AGBL4: variants seen among roughly 807,000 people sequenced by gnomAD.
AGBL4 encodes the protein AGBL carboxypeptidase 4.
In AGBL4, 58 loss-of-function variants were observed where a neutral mutation model predicts 66.4. The ratio of observed to expected loss-of-function variants is 0.87; its 90% confidence interval spans 0.71 to 1.09. AGBL4 has a LOEUF of 1.09. AGBL4 is among the 50% of genes least tolerant of loss of function. AGBL4 has a pLI of 0.00. For synonymous variants in AGBL4, 234 were observed against 222.9 expected, an observed-to-expected ratio of 1.05 and a Z score of -0.44; for missense variants, 579 against 631.0, an observed-to-expected ratio of 0.92 and a Z score of 0.88.
At chr1:49,060,590 G>A (rs115590275) in intron 4 of AGBL4, among the ~76,000 whole-genome samples, 56 of 152,284 alleles carry the variant, frequency 3.7e-4, no homozygotes, top group African/African-American at 1.3e-3. Context: ...TGGGGGAGTG[G>A]TGCTGGTTTT....
intron 3 of AGBL4, among the ~76,000 whole-genome samples, chr1:49,622,787 G>A (rs546467114): frequency 1.3e-5 from 2 of 151,988 alleles, no homozygotes; most frequent in South Asian, 4.1e-4. Flanking sequence ...CATCATCTTT[G>A]TTATGATTAT....
intron 4 of AGBL4, among the ~76,000 whole-genome samples, chr1:49,186,331 G>T (rs756541336): frequency 6.6e-6 from 1 of 151,980 alleles, no homozygotes; most frequent in Non-Finnish European, 1.5e-5. Flanking sequence ...TCCAACAATG[G>T]GAAAATAAAG....
At chr1:48,991,414 C>G (rs1036505537) in intron 5 of AGBL4, among the ~76,000 whole-genome samples, 1 of 151,922 alleles carries the variant, frequency 6.6e-6, no homozygotes, top group East Asian at 1.9e-4. Flanking sequence ...TCCCTTTATT[C>G]TTGACTTTTG....
intron 6 of AGBL4, among the ~76,000 whole-genome samples, chr1:48,767,665 A>G (rs1644596465): frequency 1.3e-5 from 2 of 152,218 alleles, no homozygotes; most frequent in African/African-American, 4.8e-5. Context: ...AGAAGAAACT[A>G]GGAAGGATGA....
chr1:49,503,975 G>C (rs1648442364), intron 3 of AGBL4, among the ~76,000 whole-genome samples: 1 of 152,098 alleles, frequency 6.6e-6, no homozygotes, highest in Admixed American at 6.5e-5. Context: ...GATTTGGGAA[G>C]GGCTGGGACA....
chr1:49,729,373 G>C (rs1649259039), intron 2 of AGBL4, among the ~76,000 whole-genome samples: 1 of 152,040 alleles, frequency 6.6e-6, no homozygotes, highest in Admixed American at 6.6e-5. Flanking sequence ...CACCATTTGA[G>C]CCTCAAGTCC....
rs5774037 is a variant in AGBL4, at chr1:49,052,079, A to AT, written c.378-6280dup. ...TTCAGAGTTTATATTATATGTAGGG[A>AT]TTTTTTTTTTTTTTTTTGGTCTGTG... is the stretch of plus-strand genomic sequence containing the variant. On this transcript the variant is annotated intron_variant, in intron 4 of 13. Coordinates refer to ENST00000371839, the MANE Select transcript of AGBL4 (RefSeq NM_032785.4). Among the ~76,000 whole-genome samples the AT allele has an allele frequency of 1.7e-3, 232 of 139,074 alleles. 2 individuals carry two copies. Among genetic ancestry groups the AT allele is most frequent in the African/African-American group, 5.8e-3 (222 of 38,072 alleles). The allele number at this position is 139,074 out of a possible 152,430, so 91.2% of individuals were successfully genotyped here. A position where few individuals can be genotyped will look rare whatever the true frequency, so the allele number is the denominator to read the frequency against.
At chr1:48,716,857 C>T (rs1235811307) in intron 6 of AGBL4, among the ~76,000 whole-genome samples, 3 of 152,176 alleles carry the variant, frequency 2.0e-5, no homozygotes, top group Non-Finnish European at 2.9e-5. Flanking sequence ...TTGGAACTGT[C>T]CCTGCCTTCA....
At chr1:48,723,483 T>A (rs766807988) in intron 6 of AGBL4, among the ~76,000 whole-genome samples, 1 of 152,194 alleles carries the variant, frequency 6.6e-6, no homozygotes, top group Non-Finnish European at 1.5e-5. Flanking sequence ...AAGGGATCAA[T>A]CTCTTCAAAA....
At chr1:48,529,388 T>C (rs1373929543), downstream of AGBL4, among the ~76,000 whole-genome samples, 1 of 152,098 alleles carries the variant, frequency 6.6e-6, no homozygotes, top group African/African-American at 2.4e-5. Flanking sequence ...TTTATAGATG[T>C]TATTATATTC....
At chr1:48,945,087 A>G (rs1656386627) in intron 5 of AGBL4, among the ~76,000 whole-genome samples, 1 of 152,102 alleles carries the variant, frequency 6.6e-6, no homozygotes, top group Non-Finnish European at 1.5e-5. Context: ...GGCACTGGAG[A>G]TGTCCTGTGG....
chr1:48,885,247 A>C (rs1227748067), intron 5 of AGBL4, among the ~76,000 whole-genome samples: 3 of 152,248 alleles, frequency 2.0e-5, no homozygotes, highest in Non-Finnish European at 4.4e-5. Flanking sequence ...TTCCAACTGC[A>C]ATGTCCATAA....
intron 11 of AGBL4, among the ~76,000 whole-genome samples, chr1:48,554,474 C>A (rs543696897): frequency 2.6e-5 from 4 of 152,166 alleles, no homozygotes; most frequent in Non-Finnish European, 5.9e-5. Flanking sequence ...CATTTCCTTG[C>A]ATTTATTCCT....
intron 6 of AGBL4, among the ~76,000 whole-genome samples, chr1:48,735,515 AAAGG>A (rs147008867): frequency 0.01 from 1,577 of 151,446 alleles, 30 homozygotes; most frequent in African/African-American, 0.034. Flanking sequence ...AGGAGGGAAG[AAAGG>A]AAGGAAGTAA....
chr1:49,291,205 A>T (rs534786231), intron 3 of AGBL4, among the ~76,000 whole-genome samples: 1 of 152,296 alleles, frequency 6.6e-6, no homozygotes, highest in South Asian at 2.1e-4. Context: ...CCTTCTCTCA[A>T]GGTATTTTAG....
chr1:49,854,771 T>C (rs1253987828), intron 1 of AGBL4, among the ~76,000 whole-genome samples: 4 of 151,944 alleles, frequency 2.6e-5, no homozygotes, highest in Admixed American at 2.6e-4. Context: ...ATAGACAGTA[T>C]AGCACACCAG....
In AGBL4 at chr1:50,023,746, C is replaced by G. The variant is rs1329887859; in HGVS notation, c.34+17G>C. 1.3e-6 allele frequency: 2 copies of G among 1,547,574 alleles called. No individual in the cohort carries two copies. The highest frequency in any genetic ancestry group is 1.7e-6 in the Non-Finnish European group (2 of 1,145,212). ...CTGGCCGCCTCAGCCTTCCCCAGAT[C>G]GGCCGCCCCCACAGACCTGCCTCAG... On this transcript the variant is annotated intron_variant, in intron 1 of 13. Coordinates refer to ENST00000371839, the MANE Select transcript of AGBL4 (RefSeq NM_032785.4).
chr1:49,169,536 A>G (rs1452865966), intron 4 of AGBL4, among the ~76,000 whole-genome samples: 2 of 152,330 alleles, frequency 1.3e-5, no homozygotes, highest in Admixed American at 1.3e-4. Context: ...TAAACAATTC[A>G]GTGACATTTA....
At chr1:49,191,753 GC>G (rs761998852) in intron 4 of AGBL4, among the ~76,000 whole-genome samples, 1 of 152,096 alleles carries the variant, frequency 6.6e-6, no homozygotes, top group Non-Finnish European at 1.5e-5. Context: ...TAGGAAAACG[GC>G]CCCCAGCTGC....
Sources: gnomAD v4.1 joint callset for allele counts (sites outside exome capture counted in the v4.1 genomes callset) on GRCh38, gnomAD v4.1.1 for gene constraint, MANE v1.5 for transcripts, NCBI Gene and HGNC (gene_info 2026-07-23, HGNC 2026-07-21) for gene names.